The following FBXO8 variants were observed in gnomAD, a reference collection of about 807,000 sequenced individuals.
FBXO8 encodes the protein F-box protein 8.
Under a neutral mutation model 33.4 loss-of-function variants are expected in FBXO8, and 15 were observed. The ratio of observed to expected loss-of-function variants is 0.45; its 90% CI spans 0.30 to 0.69. FBXO8 has a LOEUF of 0.69. Ranked by LOEUF, FBXO8 falls within the 30% of genes least tolerant of loss-of-function variation. The pLI, the probability that FBXO8 is intolerant of heterozygous loss-of-function variation, is 0.08. For missense variants in FBXO8, 274 were observed against 380.3 expected, an observed-to-expected ratio of 0.72 and a Z score of 2.32; for synonymous variants, 132 against 131.5, an observed-to-expected ratio of 1.00 and a Z score of -0.02.
At position 174,272,492 on chromosome 4, in the gene FBXO8, C is replaced by T. The variant is rs546591883; in HGVS notation, c.-8-9392G>A. Among the ~76,000 whole-genome samples, 82 of 152,036 alleles carry T rather than the reference C, an allele frequency of 5.4e-4. 1 individual carries two copies. In the South Asian group the frequency reaches 0.017, roughly 31 times the overall value. The stretch of plus-strand genomic sequence containing the variant: ...GGTTGGATGACACTGGATGCAGATC[C>T]ACAAATACTGAGGACCAACTGTATA... On this transcript the variant is annotated intron_variant, in intron 1 of 5. Coordinates refer to ENST00000393674, the MANE Select transcript of FBXO8 (RefSeq NM_012180.3). This position sits in a 1 kb window ranked among gnomAD's most constrained non-coding sequence, Gnocchi z 4.7.
rs951877413 is a variant in FBXO8 at position 174,283,642 on chromosome 4, T to C, written c.-241A>G. Reference sequence around the variant, plus strand: ...CTGCAGGGGCCAGAACTGCCGACTATCCCAATTTTGACGTTTCCTATTGTT... The same window carrying C: ...CTGCAGGGGCCAGAACTGCCGACTACCCCAATTTTGACGTTTCCTATTGTT... On this transcript the variant is annotated 5_prime_UTR_variant, in exon 1 of 6. Coordinates refer to ENST00000393674, the MANE Select transcript of FBXO8 (RefSeq NM_012180.3). The surrounding 1 kb of genome is among the most constrained non-coding windows in gnomAD (Gnocchi z 6.7). The C allele has an allele frequency of 8.1e-6, 3 of 371,268 alleles. No homozygotes were observed. The highest frequency in any genetic ancestry group is 4.6e-5 in the Admixed American group (1 of 21,814). 23.0% of individuals were successfully genotyped at this position (371,268 alleles called of 1,614,324 possible).
rs890403979 is a variant in FBXO8, at chr4:174,277,964, G to C, written c.-9+5446C>G. ...TTCAATAGCATAAGAACATGGGAGAGTCTATGAGAAAATATTTTCTGAGAC... is the reference window on the plus strand; with the variant it reads ...TTCAATAGCATAAGAACATGGGAGACTCTATGAGAAAATATTTTCTGAGAC... On this transcript the variant is annotated intron_variant, in intron 1 of 5. Transcript: ENST00000393674. This position sits in a 1 kb window ranked among gnomAD's most constrained non-coding sequence, Gnocchi z 4.9. Among the ~76,000 whole-genome samples, 9 of 152,180 alleles carry C rather than the reference G, an allele frequency of 5.9e-5. No homozygotes were observed. Among genetic ancestry groups the C allele is most frequent in the African/African-American group, 2.2e-4 (9 of 41,550 alleles).
intron 2 of FBXO8, among the ~76,000 whole-genome samples, chr4:174,260,935 T>A (rs903398872): frequency 1.3e-5 from 2 of 151,980 alleles, no homozygotes; most frequent in Non-Finnish European, 2.9e-5. Flanking sequence ...CAGATTTCCT[T>A]CTTTTAATAA....
chr4:174,268,253 T>A (rs1337736163), intron 1 of FBXO8, among the ~76,000 whole-genome samples: 1 of 152,216 alleles, frequency 6.6e-6, no homozygotes, highest in Non-Finnish European at 1.5e-5. Context: ...TATGTGTGTT[T>A]CTGCTGAAAG....
rs564762765 is a variant in FBXO8, at chr4:174,283,268, GC to G, written c.-9+141del. On this transcript the variant is annotated intron_variant, in intron 1 of 5. Transcript: ENST00000393674. This position sits in a 1 kb window ranked among gnomAD's most constrained non-coding sequence, Gnocchi z 6.7. ...CCACTACTGTCACTCAAGATGCTTCGCACTGTCATTGGTCGCAAACTCTTGC... is the reference window on the plus strand; with the variant it reads ...CCACTACTGTCACTCAAGATGCTTCGACTGTCATTGGTCGCAAACTCTTGC... 173 of 152,746 alleles carry G rather than the reference GC, an allele frequency of 1.1e-3. No homozygotes were observed. The highest frequency in any genetic ancestry group is 2.2e-3 in the Non-Finnish European group (153 of 68,042). 9.5% of individuals were successfully genotyped at this position (152,746 alleles called of 1,614,324 possible).
chr4:174,240,015 A>G (rs1735990427), intron 4 of FBXO8, among the ~76,000 whole-genome samples: 1 of 151,590 alleles, frequency 6.6e-6, no homozygotes, highest in African/African-American at 2.4e-5. Flanking sequence ...TTGTAAATAC[A>G]GCTTATTAGA....
chr4:174,268,261 A>C (rs1269620950), intron 1 of FBXO8, among the ~76,000 whole-genome samples: 2 of 152,186 alleles, frequency 1.3e-5, no homozygotes, highest in South Asian at 4.1e-4. Flanking sequence ...TTTCTGCTGA[A>C]AGACATTTAA....
chr4:174,238,424 C>A (rs145097562), intron 5 of FBXO8, among the ~76,000 whole-genome samples: 37 of 151,790 alleles, frequency 2.4e-4, no homozygotes, highest in Admixed American at 2.4e-3. Flanking sequence ...TTTGTAATTT[C>A]TGTTTAATCA....
At chr4:174,243,560 G>A (rs1389228514) in intron 3 of FBXO8, among the ~76,000 whole-genome samples, 3 of 139,376 alleles carry the variant, frequency 2.2e-5, no homozygotes, top group Non-Finnish European at 3.2e-5. Flanking sequence ...TCAAAAAACC[G>A]CAATCACTTT....
chr4:174,254,704 CA>C lies in FBXO8; in HGVS notation c.456+4994del, dbSNP rs1736379094. 6.6e-6 allele frequency among the ~76,000 whole-genome samples: 1 copy of C among 152,130 alleles called. No individual in the cohort carries two copies. The highest frequency in any genetic ancestry group is 2.1e-4 in the South Asian group (1 of 4,832). ...CAAAATATAAAATGGAAAAATCTCTCAGTCTGTCAAGACTCAATTCAACTCT... is the reference window on the plus strand; with the variant it reads ...CAAAATATAAAATGGAAAAATCTCTCGTCTGTCAAGACTCAATTCAACTCT... On this transcript the variant is annotated intron_variant, in intron 3 of 5. Coordinates refer to ENST00000393674, the MANE Select transcript of FBXO8 (RefSeq NM_012180.3). The surrounding 1 kb of genome is among the most constrained non-coding windows in gnomAD (Gnocchi z 4.2).
At position 174,278,329 on chromosome 4, in the gene FBXO8, T is replaced by C. The variant is rs192755184; in HGVS notation, c.-9+5081A>G. ...AAGGCATACCATTTGCAGGTTTTGG[T>C]TTTTTTTAATTCAAAAAGATTTACA... On this transcript the variant is annotated intron_variant, in intron 1 of 5. Transcript: ENST00000393674. This position sits in a 1 kb window ranked among gnomAD's most constrained non-coding sequence, Gnocchi z 4.1. 8.1e-4 allele frequency among the ~76,000 whole-genome samples: 122 copies of C among 150,338 alleles called. 1 individual carries two copies. Among genetic ancestry groups the C allele is most frequent in the African/African-American group, 2.9e-3 (115 of 39,942 alleles).
chr4:174,276,492 T>C (rs1293812810), intron 1 of FBXO8, among the ~76,000 whole-genome samples: 1 of 152,164 alleles, frequency 6.6e-6, no homozygotes, highest in African/African-American at 2.4e-5. Flanking sequence ...TGCCTCGGCC[T>C]CCCAGAGTGC....
Position 174,237,518 on chromosome 4 carries a change from T to G in FBXO8, c.854A>C (p.Lys285Thr). 6.2e-7 allele frequency: 1 copy of G among 1,613,842 alleles called. No individual in the cohort carries two copies. Among genetic ancestry groups the G allele is most frequent in the Non-Finnish European group, 8.5e-7 (1 of 1,179,760 alleles). The part of the protein sequence containing the change: ...TSPHVKNKMS[K>T]REFIRNTRRA... ...ACGGGTATTTCGAATAAATTCCCTT[T>G]TTGACATTTTATTCTTCACATGAGG... Residue 285 changes from lysine (K) to threonine (T), a missense_variant, in exon 6 of 6, where the codon AAA (lysine) becomes ACA (threonine). By Grantham distance (78) the Lys-to-Thr change is moderately conservative (BLOSUM62 -1). Around this residue, in one of 2 missense-constraint regions of FBXO8, gnomAD observed 186 missense variants for 293.4 expected, o/e 0.63. Transcript: ENST00000393674. This position sits in a 1 kb window ranked among gnomAD's most constrained non-coding sequence, Gnocchi z 4.4.
Position 174,257,108 on chromosome 4 carries a change from C to A in FBXO8, c.456+2591G>T, listed in dbSNP as rs1381319252. 6.6e-6 allele frequency among the ~76,000 whole-genome samples: 1 copy of A among 152,068 alleles called. No individual in the cohort carries two copies. The highest frequency in any genetic ancestry group is 1.5e-5 in the Non-Finnish European group (1 of 67,994). The stretch of plus-strand genomic sequence containing the variant: ...GAATTTGAGCTCTTTTCTCTGCCCC[C>A]TCTCCAAACACCCTAGAGGAGGTAC... On this transcript the variant is annotated intron_variant, in intron 3 of 5. Coordinates refer to ENST00000393674, the MANE Select transcript of FBXO8 (RefSeq NM_012180.3). This position sits in a 1 kb window ranked among gnomAD's most constrained non-coding sequence, Gnocchi z 4.3.
intron 2 of FBXO8, among the ~76,000 whole-genome samples, chr4:174,260,553 T>G (rs985149669): frequency 5.3e-5 from 8 of 152,054 alleles, no homozygotes; most frequent in African/African-American, 1.7e-4. Flanking sequence ...AAAACACTAG[T>G]TCTTTATTAT....
At chr4:174,246,863 G>A (rs576202828) in intron 3 of FBXO8, among the ~76,000 whole-genome samples, 1 of 152,082 alleles carries the variant, frequency 6.6e-6, no homozygotes, top group African/African-American at 2.4e-5. Context: ...AGGTCTATCT[G>A]GGGAGCATTG....
Position 174,237,156 on chromosome 4 carries a change from G to T in FBXO8, c.*256C>A. 2.9e-6 allele frequency: 1 copy of T among 350,780 alleles called. No individual in the cohort carries two copies. The highest frequency in any genetic ancestry group is 4.2e-5 in the East Asian group (1 of 23,690). 21.7% of individuals were successfully genotyped at this position (350,780 alleles called of 1,614,324 possible). ...AGAGTATAATGTCAGTTTATCATTC[G>T]TTAACAGCTGTGTTAGACAGTGGCT... On this transcript the variant is annotated 3_prime_UTR_variant, in exon 6 of 6. Coordinates refer to ENST00000393674, the MANE Select transcript of FBXO8 (RefSeq NM_012180.3). The surrounding 1 kb of genome is among the most constrained non-coding windows in gnomAD (Gnocchi z 4.4).
rs1444095377 is a variant in FBXO8 at position 174,237,256 on chromosome 4, T to C, written c.*156A>G. The C allele has an allele frequency of 3.4e-6, 2 of 586,482 alleles. No homozygotes were observed. The highest frequency in any genetic ancestry group is 3.3e-5 in the Admixed American group (1 of 30,460). The allele number at this position is 586,482 out of a possible 1,614,324, so 36.3% of individuals were successfully genotyped here. On this transcript the variant is annotated 3_prime_UTR_variant, in exon 6 of 6. Transcript: ENST00000393674. The surrounding 1 kb of genome is among the most constrained non-coding windows in gnomAD (Gnocchi z 4.4). ...TTATTTAGTTCCCCAAGGAAATTAC[T>C]AAAATAGAAAATGGCAAAAGAAAAA...
chr4:174,243,427 A>C (rs1396182527), intron 3 of FBXO8, among the ~76,000 whole-genome samples: 1 of 151,100 alleles, frequency 6.6e-6, no homozygotes, highest in Non-Finnish European at 1.5e-5. Flanking sequence ...AACAAATACA[A>C]AAAGACATGA....
Sources: allele counts gnomAD v4.1 joint callset (sites outside exome capture counted in the v4.1 genomes callset), GRCh38; gene constraint gnomAD v4.1.1; regional missense constraint gnomAD v4.1.1; non-coding constraint Gnocchi (gnomAD v3.1); transcripts MANE v1.5; gene names NCBI Gene and HGNC (gene_info 2026-07-23, HGNC 2026-07-21).